The following NAALADL2 variants were observed in gnomAD, a reference collection of about 807,000 sequenced individuals.
The protein encoded by NAALADL2 is N-acetylated alpha-linked acidic dipeptidase like 2.
NAALADL2 carries 76 observed loss-of-function variants against 87.2 expected under a neutral mutation model. The ratio of observed to expected loss-of-function variants is 0.87; its 90% CI spans 0.72 to 1.05. The LOEUF (loss-of-function observed/expected upper bound fraction) is 1.05, where lower values mean the gene tolerates loss of function less well. Ranked by LOEUF, NAALADL2 falls within the 50% of genes least tolerant of loss-of-function variation. The pLI, the probability that NAALADL2 is intolerant of heterozygous loss-of-function variation, is 0.00. For synonymous variants in NAALADL2, 354 were observed against 331.0 expected, an observed-to-expected ratio of 1.07 and a Z score of -0.75; for missense variants, 1,089 against 945.8, an observed-to-expected ratio of 1.15 and a Z score of -1.99.
At chr3:175,291,325 A>G (rs1755610760) in intron 4 of NAALADL2, among the ~76,000 whole-genome samples, 1 of 152,086 alleles carries the variant, frequency 6.6e-6, no homozygotes, top group Non-Finnish European at 1.5e-5. Flanking sequence ...TCTAAATTAG[A>G]CTTTTCCAAT....
intron 13 of NAALADL2, among the ~76,000 whole-genome samples, chr3:175,770,036 G>A (rs2150175620): frequency 6.6e-6 from 1 of 152,082 alleles, no homozygotes; most frequent in East Asian, 1.9e-4. Flanking sequence ...CATTATCAAG[G>A]ACAATTTCCT....
chr3:175,369,925 T>C (rs1447561614), intron 5 of NAALADL2, among the ~76,000 whole-genome samples: 1 of 152,212 alleles, frequency 6.6e-6, no homozygotes, highest in Admixed American at 6.5e-5. Context: ...GATGGTATTC[T>C]GCAAATGTGA....
intron 9 of NAALADL2, among the ~76,000 whole-genome samples, chr3:175,505,879 T>C (rs1013497450): frequency 4.6e-5 from 7 of 152,194 alleles, no homozygotes; most frequent in African/African-American, 7.2e-5. Context: ...ACTTACATCA[T>C]TGGATTTTTT....
chr3:174,896,036 C>T (rs996258618), intron 1 of NAALADL2, among the ~76,000 whole-genome samples: 6 of 151,884 alleles, frequency 4.0e-5, no homozygotes, highest in African/African-American at 1.5e-4. Flanking sequence ...ATAGAAGAAA[C>T]ATACCTTAAC....
intron 3 of NAALADL2, among the ~76,000 whole-genome samples, chr3:174,837,120 A>G (rs1416626795): frequency 6.6e-6 from 1 of 152,144 alleles, no homozygotes; most frequent in South Asian, 2.1e-4. Flanking sequence ...ACCCACACCC[A>G]GCAGAAGAAA....
intron 3 of NAALADL2, among the ~76,000 whole-genome samples, chr3:175,248,274 C>T (rs1748377123): frequency 1.3e-5 from 2 of 152,112 alleles, no homozygotes; most frequent in African/African-American, 4.8e-5. Flanking sequence ...GGGGATGATT[C>T]CAGTAACTTA....
intron 4 of NAALADL2, among the ~76,000 whole-genome samples, chr3:175,258,005 A>C (rs987164663): frequency 4.6e-5 from 7 of 152,072 alleles, no homozygotes; most frequent in Admixed American, 2.6e-4. Flanking sequence ...AAAGACAAAG[A>C]GCTAGTTAAA....
intron 4 of NAALADL2, among the ~76,000 whole-genome samples, chr3:175,296,207 A>G (rs1756357360): frequency 7.0e-6 from 1 of 143,680 alleles, no homozygotes; most frequent in Non-Finnish European, 1.6e-5. Context: ...CAGTTGCCAT[A>G]ATGACTAGGA....
intron 1 of NAALADL2, among the ~76,000 whole-genome samples, chr3:174,904,017 CTATT>C (rs1169586482): frequency 2.0e-5 from 3 of 151,268 alleles, no homozygotes; most frequent in Admixed American, 6.6e-5. Flanking sequence ...ATATCTGTAT[CTATT>C]TGAGTTTCTA....
chr3:174,685,466 C>A (rs1727944274), intron 2 of NAALADL2, among the ~76,000 whole-genome samples: 1 of 152,156 alleles, frequency 6.6e-6, no homozygotes, highest in Non-Finnish European at 1.5e-5. Flanking sequence ...CTTCCATTTT[C>A]TGACTATGCC....
intron 2 of NAALADL2, among the ~76,000 whole-genome samples, chr3:174,672,431 T>C (rs1264055751): frequency 6.7e-6 from 1 of 150,040 alleles, no homozygotes; most frequent in African/African-American, 2.4e-5. Context: ...CTCTATTCTA[T>C]CATATGGAAA....
intron 1 of NAALADL2, among the ~76,000 whole-genome samples, chr3:175,041,563 T>A (rs898247712): frequency 6.6e-6 from 1 of 152,138 alleles, no homozygotes; most frequent in Non-Finnish European, 1.5e-5. Context: ...CAGACAAACA[T>A]CCTGCAAAAA....
intron 9 of NAALADL2, among the ~76,000 whole-genome samples, chr3:175,535,957 T>C (rs1283569182): frequency 2.0e-5 from 3 of 152,120 alleles, no homozygotes; most frequent in Non-Finnish European, 4.4e-5. Context: ...AGGAGCCAAA[T>C]TGAGGCGCAA....
chr3:175,742,840 A>G (rs1745426672), intron 12 of NAALADL2, among the ~76,000 whole-genome samples: 1 of 152,188 alleles, frequency 6.6e-6, no homozygotes. Context: ...TCTAATTGTA[A>G]TAAGTTGGGG....
At chr3:175,037,318 C>A (rs1248879836) in intron 1 of NAALADL2, among the ~76,000 whole-genome samples, 2 of 152,130 alleles carry the variant, frequency 1.3e-5, no homozygotes, top group Non-Finnish European at 2.9e-5. Context: ...CTCTGCTAGC[C>A]TACAGCTGTA....
At chr3:174,452,287 A>G (rs1254701171) in intron 1 of NAALADL2, among the ~76,000 whole-genome samples, 4 of 152,046 alleles carry the variant, frequency 2.6e-5, no homozygotes, top group African/African-American at 7.3e-5. Context: ...TCCTTGACCC[A>G]CTTGTTATAT....
chr3:174,722,987 A>C (rs776097810), intron 2 of NAALADL2, among the ~76,000 whole-genome samples: 20 of 152,112 alleles, frequency 1.3e-4, no homozygotes, highest in Non-Finnish European at 2.8e-4. Context: ...ATTCTGTGTA[A>C]AGTCAGTGCC....
chr3:174,953,750 G>A (rs1239138977), intron 1 of NAALADL2, among the ~76,000 whole-genome samples: 2 of 151,912 alleles, frequency 1.3e-5, no homozygotes, highest in Non-Finnish European at 2.9e-5. Context: ...CCCCGGAGCA[G>A]GTTACCACAT....
At chr3:174,891,866 A>T (rs1361548381) in intron 1 of NAALADL2, among the ~76,000 whole-genome samples, 1 of 152,046 alleles carries the variant, frequency 6.6e-6, no homozygotes, top group Non-Finnish European at 1.5e-5. Context: ...AACCCCAGAC[A>T]GCACAGCTCA....
Sources: allele counts gnomAD v4.1 joint callset (sites outside exome capture counted in the v4.1 genomes callset), GRCh38; gene constraint gnomAD v4.1.1; transcripts MANE v1.5; gene names NCBI Gene and HGNC (gene_info 2026-07-23, HGNC 2026-07-21).